The following CCDC181 variants were observed in gnomAD, a reference collection of about 807,000 sequenced individuals.
The protein encoded by CCDC181 is coiled-coil domain-containing protein 181.
Under a neutral mutation model 58.7 loss-of-function variants are expected in CCDC181, and 35 were observed. The observed-to-expected ratio is 0.60, with a 90% CI of 0.46 to 0.79. The LOEUF is 0.79. Among genes scored for constraint, CCDC181 ranks in the 30% least tolerant of loss-of-function variants. CCDC181 has a pLI of 0.00. For synonymous variants in CCDC181, 183 were observed against 197.5 expected, an observed-to-expected ratio of 0.93 and a Z score of 0.62; for missense variants, 517 against 583.9, an observed-to-expected ratio of 0.89 and a Z score of 1.18.
chr1:169,406,763 G>A (rs1571470853), intron 4 of CCDC181, among the ~76,000 whole-genome samples: 1 of 151,246 alleles, frequency 6.6e-6, no homozygotes, highest in African/African-American at 2.4e-5. Flanking sequence ...TGTGGCACAT[G>A]TACCCTAGAA....
chr1:169,401,816 G>A (rs1277576202), intron 4 of CCDC181, among the ~76,000 whole-genome samples: 1 of 152,186 alleles, frequency 6.6e-6, no homozygotes, highest in Non-Finnish European at 1.5e-5. Context: ...GATGAGTTGA[G>A]AGAAGAAGGC....
chr1:169,430,339 T>C (rs1656882517), upstream of CCDC181, among the ~76,000 whole-genome samples: 1 of 152,148 alleles, frequency 6.6e-6, no homozygotes, highest in Non-Finnish European at 1.5e-5. Context: ...ATGATAATGG[T>C]ATTTTGATGG....
At chr1:169,448,822 C>G (rs780030534) in intron 2 of CCDC181, among the ~76,000 whole-genome samples, 1 of 152,054 alleles carries the variant, frequency 6.6e-6, no homozygotes, top group Non-Finnish European at 1.5e-5. Context: ...TGAAATTGTT[C>G]CACAGTTCTT....
intron 4 of CCDC181, among the ~76,000 whole-genome samples, chr1:169,400,820 A>AG (rs1260514721): frequency 1.3e-5 from 2 of 152,148 alleles, no homozygotes; most frequent in Non-Finnish European, 2.9e-5. Context: ...CTTGTCAGAC[A>AG]GTGGGTGCAG....
chr1:169,433,109 A>T (rs1342958366), intron 2 of CCDC181, among the ~76,000 whole-genome samples: 1 of 152,084 alleles, frequency 6.6e-6, no homozygotes, highest in Non-Finnish European at 1.5e-5. Context: ...TATCATTTTT[A>T]AAACTATTAG....
At chr1:169,401,219 G>A (rs910761947) in intron 4 of CCDC181, among the ~76,000 whole-genome samples, 1 of 152,196 alleles carries the variant, frequency 6.6e-6, no homozygotes, top group Admixed American at 6.5e-5. Context: ...TCTACCTCTG[G>A]GGGCAAGACA....
In CCDC181 at chr1:169,421,575, C is replaced by T. The variant is rs1260628707; in HGVS notation, c.856G>A (p.Glu286Lys). 1 of 1,614,102 alleles carries T rather than the reference C, an allele frequency of 6.2e-7. No individual in the cohort carries two copies. The highest frequency in any genetic ancestry group is 1.1e-5 in the South Asian group (1 of 91,072). The part of the protein sequence containing the change: ...IHAVTHSSTG[E>K]PLAYIAQPPL... ...GGCTGAGCGATATAAGCCAGCGGCT[C>T]TCCTGTTGATGAGTGAGTGACAGCA... The change falls in exon 3 of 6, where the codon GAG becomes AAG. Residue 286 changes from glutamate (E) to lysine (K), a missense_variant. Transcript: ENST00000367806.
intron 2 of CCDC181, among the ~76,000 whole-genome samples, chr1:169,439,030 G>T (rs1487069894): frequency 6.6e-6 from 1 of 152,100 alleles, no homozygotes; most frequent in Non-Finnish European, 1.5e-5. Context: ...CTTCCTACTA[G>T]TTAGGGAGAG....
chr1:169,450,619 G>A (rs770295008), intron 2 of CCDC181, among the ~76,000 whole-genome samples: 24 of 152,268 alleles, frequency 1.6e-4, no homozygotes, highest in Middle Eastern at 3.4e-3. Context: ...ATAAGAATGT[G>A]CATACAAGTC....
chr1:169,439,494 C>T (rs1657150471), intron 2 of CCDC181, among the ~76,000 whole-genome samples: 1 of 152,194 alleles, frequency 6.6e-6, no homozygotes, highest in East Asian at 1.9e-4. Context: ...TCAGCCACTG[C>T]GCTCAAATAC....
chr1:169,398,848 G>T (rs1482967120), intron 4 of CCDC181, among the ~76,000 whole-genome samples: 1 of 152,188 alleles, frequency 6.6e-6, no homozygotes, highest in Non-Finnish European at 1.5e-5. Context: ...AAGAAAATAT[G>T]GGAAGGAGGG....
intron 4 of CCDC181, among the ~76,000 whole-genome samples, chr1:169,416,006 A>C (rs1276862278): frequency 2.6e-5 from 4 of 152,296 alleles, no homozygotes. Flanking sequence ...GAAACTCAAC[A>C]ACTTAAATTG....
rs1656479399 is a variant in CCDC181 at position 169,421,825 on chromosome 1, C to T, written c.606G>A (p.Leu202=). The T allele has an allele frequency of 1.2e-6, 2 of 1,613,928 alleles. No homozygotes were observed. Among genetic ancestry groups the T allele is most frequent in the Non-Finnish European group, 8.5e-7 (1 of 1,179,996 alleles). The part of the protein sequence containing the change: ...SNDFGQEDVL[L]SLTNGSCEEN... ...CTTCACAGCTTCCATTAGTAAGTGA[C>T]AGGAGCACATCTTCTTGTCCAAAAT... The change falls in exon 3 of 6, where the codon CTG becomes CTA. Residue 202 remains leucine, a synonymous_variant. Transcript: ENST00000367806.
intron 4 of CCDC181, among the ~76,000 whole-genome samples, chr1:169,403,763 G>A (rs1041278164): frequency 6.6e-6 from 1 of 152,090 alleles, no homozygotes; most frequent in Non-Finnish European, 1.5e-5. Flanking sequence ...GGAGAAACAA[G>A]AGCAAACACA....
intron 2 of CCDC181, among the ~76,000 whole-genome samples, chr1:169,451,805 G>A (rs1003302316): frequency 2.6e-5 from 4 of 152,042 alleles, no homozygotes; most frequent in Admixed American, 6.6e-5. Context: ...GGTAAGGAGT[G>A]AGTGAAAGGA....
At chr1:169,447,174 G>A (rs1158292832) in intron 2 of CCDC181, among the ~76,000 whole-genome samples, 4 of 152,072 alleles carry the variant, frequency 2.6e-5, no homozygotes, top group Non-Finnish European at 4.4e-5. Context: ...GTACAGTGAT[G>A]CAATCTTGGC....
chr1:169,423,972 CAT>C (rs991166269), intron 2 of CCDC181, among the ~76,000 whole-genome samples: 1 of 151,922 alleles, frequency 6.6e-6, no homozygotes, highest in Non-Finnish European at 1.5e-5. Flanking sequence ...TGCATTTCCT[CAT>C]AGTCTTTTCC....
intron 4 of CCDC181, chr1:169,418,733 C>A: frequency 2.3e-6 from 1 of 429,356 alleles, no homozygotes; most frequent in Non-Finnish European, 4.1e-6. Context: ...TGTATCTTTG[C>A]CCTGTTTGAA....
chr1:169,405,796 T>A (rs1166959452), intron 4 of CCDC181, among the ~76,000 whole-genome samples: 1 of 152,038 alleles, frequency 6.6e-6, no homozygotes, highest in East Asian at 1.9e-4. Flanking sequence ...AAGCCAAAAT[T>A]GACAAATGGG....
Sources: gnomAD v4.1 joint callset for allele counts (sites outside exome capture counted in the v4.1 genomes callset) on GRCh38, gnomAD v4.1.1 for gene constraint, MANE v1.5 for transcripts, NCBI Gene and HGNC (gene_info 2026-07-23, HGNC 2026-07-21) for gene names.